Variants in MMP26 observed in about 807,000 individuals in gnomAD.
The protein encoded by MMP26 is matrix metallopeptidase 26.
In MMP26, 33 loss-of-function variants were observed where a neutral mutation model predicts 31.0. The ratio of observed to expected loss-of-function variants is 1.06; its 90% CI spans 0.81 to 1.42. The LOEUF is 1.42. MMP26 is among the 40% of genes most tolerant of loss of function. The probability of loss-of-function intolerance (pLI) is 0.00; values close to 1 mark genes in which losing one functional copy is unlikely to be tolerated. For missense variants in MMP26, 347 were observed against 316.1 expected (o/e 1.10, Z -0.74); for synonymous variants, 122 against 114.9 (o/e 1.06, Z -0.40).
At chr11:4,848,464 C>T (rs1849910726) in intron 2 of MMP26, 1 of 1,613,464 alleles carries the variant, frequency 6.2e-7, no homozygotes, top group African/African-American at 1.3e-5. Flanking sequence ...AGGTGGGCAG[C>T]ACAGGTTTGA....
chr11:4,863,968 A>G (rs1273370411), intron 2 of MMP26, among the ~76,000 whole-genome samples: 1 of 152,198 alleles, frequency 6.6e-6, no homozygotes, highest in African/African-American at 2.4e-5. Context: ...ATGCACGCAC[A>G]CACACTAATT....
rs1326634998 is a variant in MMP26 at position 4,948,169 on chromosome 11, G to A, written c.-144-39899G>A. 6.4e-5 allele frequency among the ~76,000 whole-genome samples: 8 copies of A among 124,156 alleles called. 2 individuals carry two copies. The highest frequency in any genetic ancestry group is 1.1e-4 in the African/African-American group (4 of 36,648). The allele number at this position is 124,156 out of a possible 152,430, so 81.5% of individuals were successfully genotyped here. A position where few individuals can be genotyped will look rare whatever the true frequency, so the allele number is the denominator to read the frequency against. On this transcript the variant is annotated intron_variant, in intron 2 of 7. Transcript: ENST00000380390. ...CTTCCCTGTTTAAGGGACCTACTTC[G>A]GTAATAAGACTTTATGTTTAAGAAT...
chr11:4,867,919 T>C lies in MMP26; in HGVS notation c.-145+100578T>C, dbSNP rs115326457. 4.1e-3 allele frequency among the ~76,000 whole-genome samples: 623 copies of C among 152,212 alleles called. 8 individuals carry two copies. The highest frequency in any genetic ancestry group is 0.014 in the African/African-American group (589 of 41,522). ...ATATACCTAAAAGAATAAAAATTGTTCTATTGTAAAGGCACATGCATGTGT... is the reference window on the plus strand; with the variant it reads ...ATATACCTAAAAGAATAAAAATTGTCCTATTGTAAAGGCACATGCATGTGT... On this transcript the variant is annotated intron_variant, in intron 2 of 7. Coordinates refer to ENST00000380390, the MANE Select transcript of MMP26 (RefSeq NM_021801.5).
At chr11:4,781,701 G>C (rs1848866471) in intron 2 of MMP26, among the ~76,000 whole-genome samples, 1 of 150,288 alleles carries the variant, frequency 6.7e-6, no homozygotes, top group Non-Finnish European at 1.5e-5. Flanking sequence ...CCCTGATGTG[G>C]TTTGTCTCTG....
chr11:4,893,195 T>A (rs189134357), intron 2 of MMP26, among the ~76,000 whole-genome samples: 1 of 152,192 alleles, frequency 6.6e-6, no homozygotes, highest in African/African-American at 2.4e-5. Context: ...AAATATAATA[T>A]GGATCAAATA....
intron 1 of MMP26, among the ~76,000 whole-genome samples, chr11:4,745,868 C>T (rs73390893): frequency 0.047 from 7,159 of 152,196 alleles, 528 homozygotes; most frequent in African/African-American, 0.16. Context: ...GTATACAGTC[C>T]TTTCAAAATG....
At position 4,821,457 on chromosome 11, in the gene MMP26, G is replaced by T. The variant is rs552106558; in HGVS notation, c.-145+54116G>T. The T allele has an allele frequency of 3.1e-6, 5 of 1,613,746 alleles. No homozygotes were observed. The East Asian group carries it at 1.1e-4, about 36-fold the overall frequency. The stretch of plus-strand genomic sequence containing the variant: ...TCAATAATACCATTGCTGAGCCTCT[G>T]ATCTTCCTCCTGATGGGCATTCCAG... On this transcript the variant is annotated intron_variant, in intron 2 of 7. Transcript: ENST00000380390.
At chr11:4,922,355 C>T (rs1851198090) in intron 2 of MMP26, among the ~76,000 whole-genome samples, 1 of 139,548 alleles carries the variant, frequency 7.2e-6, no homozygotes, top group African/African-American at 2.8e-5. Flanking sequence ...CTCATGACTC[C>T]ACATAAAGTC....
intron 2 of MMP26, chr11:4,923,383 C>T (rs769264009): frequency 2.5e-5 from 39 of 1,547,458 alleles, no homozygotes; most frequent in Middle Eastern, 3.5e-4. Flanking sequence ...CTTAATCCTT[C>T]CAAAAACACC....
intron 2 of MMP26, among the ~76,000 whole-genome samples, chr11:4,868,447 A>G (rs1850266394): frequency 6.6e-6 from 1 of 152,192 alleles, no homozygotes; most frequent in African/African-American, 2.4e-5. Flanking sequence ...GAGCCAAATC[A>G]TGAGTTAACT....
At chr11:4,709,936 A>C in intron 1 of MMP26, 1 of 456,884 alleles carries the variant, frequency 2.2e-6, no homozygotes, top group Non-Finnish European at 4.4e-6. Flanking sequence ...ATGGCCTTTG[A>C]CCGCTTTATT....
chr11:4,984,292 A>C (rs1386625342), intron 2 of MMP26, among the ~76,000 whole-genome samples: 1 of 152,200 alleles, frequency 6.6e-6, no homozygotes, highest in Non-Finnish European at 1.5e-5. Context: ...ATGACAATTA[A>C]ATGACCTCAA....
chr11:4,887,814 A>G (rs1035137265), intron 2 of MMP26, among the ~76,000 whole-genome samples: 3 of 152,162 alleles, frequency 2.0e-5, no homozygotes, highest in Non-Finnish European at 2.9e-5. Flanking sequence ...CTCTGAGGAA[A>G]CAAAATACAA....
rs555604411 is a variant in MMP26 at position 4,963,496 on chromosome 11, T to C, written c.-144-24572T>C. ...CTGACTTCAAACTATACTACAAGGC[T>C]ACAGTAACCAAAACAGCATGGTACT... is the stretch of plus-strand genomic sequence containing the variant. On this transcript the variant is annotated intron_variant, in intron 2 of 7. Transcript: ENST00000380390. Among the ~76,000 whole-genome samples, 3 of 152,300 alleles carry C rather than the reference T, an allele frequency of 2.0e-5. No individual in the cohort carries two copies. The South Asian group carries it at 6.2e-4, about 32-fold the overall frequency.
intron 1 of MMP26, among the ~76,000 whole-genome samples, chr11:4,758,577 A>G (rs1848533923): frequency 6.6e-6 from 1 of 152,094 alleles, no homozygotes; most frequent in African/African-American, 2.4e-5. Context: ...ACAGTTTAGA[A>G]TAAAATGCAG....
chr11:4,963,788 A>T (rs1318077761), intron 2 of MMP26, among the ~76,000 whole-genome samples: 1 of 152,048 alleles, frequency 6.6e-6, no homozygotes, highest in Non-Finnish European at 1.5e-5. Context: ...TTGGTTTTTA[A>T]TTTTTTAATT....
At chr11:4,848,339 A>C in intron 2 of MMP26, 1 of 1,614,032 alleles carries the variant, frequency 6.2e-7, no homozygotes, top group African/African-American at 1.3e-5. Flanking sequence ...TCAATGGAGG[A>C]AGAAGGAAAT....
At chr11:4,863,022 G>C (rs1850185266) in intron 2 of MMP26, among the ~76,000 whole-genome samples, 1 of 152,100 alleles carries the variant, frequency 6.6e-6, no homozygotes, top group South Asian at 2.1e-4. Flanking sequence ...CAATTCTTGT[G>C]GCTTTCAGGT....
At chr11:4,844,023 C>T (rs1310123251) in intron 2 of MMP26, among the ~76,000 whole-genome samples, 3 of 152,080 alleles carry the variant, frequency 2.0e-5, no homozygotes, top group African/African-American at 7.2e-5. Context: ...AATTGACCAA[C>T]TTTTAGCCAG....
Sources: gnomAD v4.1 joint callset for allele counts (sites outside exome capture counted in the v4.1 genomes callset) on GRCh38, gnomAD v4.1.1 for gene constraint, MANE v1.5 for transcripts, NCBI Gene and HGNC (gene_info 2026-07-23, HGNC 2026-07-21) for gene names.